The following NEGR1 variants were observed in gnomAD, a reference collection of about 807,000 sequenced individuals.
NEGR1 encodes the protein neuronal growth regulator 1.
Under a neutral mutation model 40.9 loss-of-function variants are expected in NEGR1, and 10 were observed. That is an observed-to-expected ratio of 0.24 (90% confidence interval 0.15 to 0.42). NEGR1 has a LOEUF of 0.42. Among genes scored for constraint, NEGR1 ranks in the 10% least tolerant of loss-of-function variants. The probability of loss-of-function intolerance (pLI) is 1.00; values close to 1 mark genes in which losing one functional copy is unlikely to be tolerated. For synonymous variants in NEGR1, 185 were observed against 166.8 expected (o/e 1.11, Z -0.84); for missense variants, 352 against 438.9 (o/e 0.80, Z 1.77).
chr1:71,717,699 T>G (rs1037468330), intron 3 of NEGR1, among the ~76,000 whole-genome samples: 2 of 152,232 alleles, frequency 1.3e-5, no homozygotes, highest in African/African-American at 4.8e-5. Context: ...GAAATTCATA[T>G]GTTAAAGTCC....
chr1:71,558,148 T>G (rs1648313806), intron 6 of NEGR1, among the ~76,000 whole-genome samples: 1 of 151,550 alleles, frequency 6.6e-6, no homozygotes, highest in Non-Finnish European at 1.5e-5. Flanking sequence ...TTTTGTCATA[T>G]TTCTCCACTG....
rs1557548378 is a variant in NEGR1, at chr1:72,143,896, T to TGATATATATG, written c.176+138422_176+138423insCATATATATC. The stretch of plus-strand genomic sequence containing the variant: ...ATATCATATATTCATATATATATAT[T>TGATATATATG]ATATATATGATATATATAATATATA... On this transcript the variant is annotated intron_variant, in intron 1 of 6. Coordinates refer to ENST00000357731, the MANE Select transcript of NEGR1 (RefSeq NM_173808.3). Among the ~76,000 whole-genome samples the TGATATATATG allele has an allele frequency of 2.9e-4, 19 of 66,526 alleles. No homozygotes were observed. The East Asian group carries it at 6.5e-3, about 23-fold the overall frequency. 43.6% of individuals were successfully genotyped at this position (66,526 alleles called of 152,430 possible).
intron 1 of NEGR1, among the ~76,000 whole-genome samples, chr1:71,946,518 G>A (rs983545516): frequency 6.6e-6 from 1 of 151,434 alleles, no homozygotes; most frequent in Admixed American, 6.6e-5. Flanking sequence ...GTGATGTGAT[G>A]TTCATTAACA....
intron 1 of NEGR1, among the ~76,000 whole-genome samples, chr1:72,202,186 C>A (rs1196810347): frequency 6.6e-6 from 1 of 151,874 alleles, no homozygotes; most frequent in Non-Finnish European, 1.5e-5. Flanking sequence ...GAACCATGCT[C>A]ATATATGACA....
intron 6 of NEGR1, among the ~76,000 whole-genome samples, chr1:71,474,729 A>C (rs867130047): frequency 1.2e-3 from 184 of 150,710 alleles, no homozygotes; most frequent in Middle Eastern, 3.4e-3. Flanking sequence ...AAAAAAAAAA[A>C]AAAAAAAAAC....
At chr1:71,673,669 C>T (rs1652513078) in intron 4 of NEGR1, among the ~76,000 whole-genome samples, 1 of 151,920 alleles carries the variant, frequency 6.6e-6, no homozygotes, top group Non-Finnish European at 1.5e-5. Context: ...AATTTTAGTC[C>T]CAAATAATCT....
chr1:72,057,143 C>G (rs77678272), intron 1 of NEGR1, among the ~76,000 whole-genome samples: 2 of 151,442 alleles, frequency 1.3e-5, no homozygotes, highest in Non-Finnish European at 3.0e-5. Flanking sequence ...TGATGGTTCA[C>G]AATGTTATTA....
chr1:71,994,996 GAAAAA>G (rs34098239), intron 1 of NEGR1, among the ~76,000 whole-genome samples: 1 of 111,590 alleles, frequency 9.0e-6, no homozygotes, highest in Non-Finnish European at 1.8e-5. Flanking sequence ...AAATTTACAG[GAAAAA>G]AAAAAAAAAA....
chr1:72,045,551 T>C (rs1392594732), intron 1 of NEGR1, among the ~76,000 whole-genome samples: 1 of 151,788 alleles, frequency 6.6e-6, no homozygotes, highest in Non-Finnish European at 1.5e-5. Flanking sequence ...AGAGTTTCCC[T>C]GCACAAGCTC....
intron 6 of NEGR1, among the ~76,000 whole-genome samples, chr1:71,584,428 T>C (rs1240098541): frequency 6.6e-6 from 1 of 152,200 alleles, no homozygotes; most frequent in South Asian, 2.1e-4. Context: ...CTAGTAACTA[T>C]GTTTCACTCT....
At chr1:72,170,439 G>C (rs950683933) in intron 1 of NEGR1, among the ~76,000 whole-genome samples, 3 of 152,090 alleles carry the variant, frequency 2.0e-5, no homozygotes, top group Non-Finnish European at 4.4e-5. Flanking sequence ...ACAGGGATTT[G>C]TGTTGTATTG....
intron 1 of NEGR1, among the ~76,000 whole-genome samples, chr1:72,099,407 T>C (rs1473800179): frequency 6.6e-6 from 1 of 152,062 alleles, no homozygotes; most frequent in Non-Finnish European, 1.5e-5. Flanking sequence ...GTCATTATAA[T>C]AGTTTTGAGC....
At chr1:72,271,467 A>G (rs1655840879) in intron 1 of NEGR1, among the ~76,000 whole-genome samples, 1 of 151,850 alleles carries the variant, frequency 6.6e-6, no homozygotes, top group African/African-American at 2.4e-5. Context: ...TATCAACAAC[A>G]TTAAATGAGC....
Position 71,653,389 on chromosome 1 carries a change from C to T in NEGR1, c.668-42243G>A, listed in dbSNP as rs571807075. ...TTTCTTTTCTAAAACTGAAAAATTA[C>T]GTCAACAACTTAAAAAGCTTTCCAT... On this transcript the variant is annotated intron_variant, in intron 4 of 6. Coordinates refer to ENST00000357731, the MANE Select transcript of NEGR1 (RefSeq NM_173808.3). Among the ~76,000 whole-genome samples, 8 of 152,256 alleles carry T rather than the reference C, an allele frequency of 5.3e-5. No homozygotes were observed. The South Asian group carries it at 6.2e-4, about 12-fold the overall frequency.
intron 2 of NEGR1, among the ~76,000 whole-genome samples, chr1:71,834,581 A>C (rs780724953): frequency 6.6e-6 from 1 of 151,856 alleles, no homozygotes; most frequent in African/African-American, 2.4e-5. Flanking sequence ...TTTCAGAATC[A>C]GAGTGACTTA....
intron 2 of NEGR1, 34 bp from the exon 3 acceptor site, chr1:71,776,331 A>T (rs763941426): frequency 7.0e-7 from 1 of 1,421,798 alleles, no homozygotes; most frequent in East Asian, 2.5e-5. Flanking sequence ...ATTAGAAAAA[A>T]ATATATAAAG....
At chr1:72,273,881 T>G (rs10493496) in intron 1 of NEGR1, among the ~76,000 whole-genome samples, 8 of 151,670 alleles carry the variant, frequency 5.3e-5, no homozygotes, top group Admixed American at 2.0e-4. Context: ...TACCCTTCCA[T>G]TGATTCATTA....
At chr1:72,002,064 T>A (rs2100382959) in intron 1 of NEGR1, among the ~76,000 whole-genome samples, 1 of 152,240 alleles carries the variant, frequency 6.6e-6, no homozygotes, top group Admixed American at 6.5e-5. Flanking sequence ...CTGTTCTTTT[T>A]GCTACTACTT....
chr1:71,930,010 T>G, intron 2 of NEGR1, among the ~76,000 whole-genome samples: 1 of 152,216 alleles, frequency 6.6e-6, no homozygotes, highest in East Asian at 1.9e-4. Context: ...CTTGAATTCC[T>G]ATTCAACGAC....
Sources: allele counts gnomAD v4.1 joint callset (sites outside exome capture counted in the v4.1 genomes callset), GRCh38; gene constraint gnomAD v4.1.1; transcripts MANE v1.5; gene names NCBI Gene and HGNC (gene_info 2026-07-23, HGNC 2026-07-21).